Variants in RNF216 observed in about 807,000 individuals in gnomAD.
The protein encoded by RNF216 is ring finger protein 216.
In RNF216, 72 loss-of-function variants were observed where a neutral mutation model predicts 110.8. That is an observed-to-expected ratio of 0.65 (90% CI 0.54 to 0.79). The LOEUF (loss-of-function observed/expected upper bound fraction) is 0.79. Ranked by LOEUF, RNF216 falls within the 30% of genes least tolerant of loss-of-function variation. The probability of loss-of-function intolerance (pLI) is 0.00; values close to 1 mark genes in which losing one functional copy is unlikely to be tolerated. For missense variants in RNF216, 1,342 were observed against 1,141.2 expected, an observed-to-expected ratio of 1.18 and a Z score of -2.54; for synonymous variants, 495 against 407.5, an observed-to-expected ratio of 1.21 and a Z score of -2.59.
At chr7:5,630,355 G>C (rs1179941925) in intron 15 of RNF216, among the ~76,000 whole-genome samples, 1 of 152,054 alleles carries the variant, frequency 6.6e-6, no homozygotes, top group Non-Finnish European at 1.5e-5. Context: ...TCCAAAACAG[G>C]TTAGGGTGAG....
At chr7:5,724,095 G>A (rs571161560) in intron 8 of RNF216, among the ~76,000 whole-genome samples, 4 of 152,332 alleles carry the variant, frequency 2.6e-5, no homozygotes, top group Admixed American at 6.5e-5. Context: ...ACAGGTTTAT[G>A]ACCTGACAGC....
chr7:5,668,605 A>G (rs975580676), intron 13 of RNF216, among the ~76,000 whole-genome samples: 4 of 152,206 alleles, frequency 2.6e-5, no homozygotes, highest in African/African-American at 9.6e-5. Context: ...GGAGATATGA[A>G]CTGAGGATGA....
chr7:5,749,127 TG>T (rs1185940087), intron 3 of RNF216, among the ~76,000 whole-genome samples: 1 of 150,678 alleles, frequency 6.6e-6, no homozygotes, highest in African/African-American at 2.4e-5. Context: ...AGCTGTGTTC[TG>T]ATCAGCAAAA....
At chr7:5,737,546 TA>T (rs775952867) in intron 5 of RNF216, among the ~76,000 whole-genome samples, 2 of 135,492 alleles carry the variant, frequency 1.5e-5, no homozygotes, top group African/African-American at 5.4e-5. Flanking sequence ...ATAATAATAA[TA>T]AATAAATAAA....
intron 8 of RNF216, among the ~76,000 whole-genome samples, chr7:5,723,697 T>C (rs1793584545): frequency 6.6e-6 from 1 of 152,060 alleles, no homozygotes; most frequent in African/African-American, 2.4e-5. Context: ...AACTTCCCTC[T>C]AATGTATTTT....
intron 2 of RNF216, among the ~76,000 whole-genome samples, chr7:5,760,201 T>G (rs1170806227): frequency 6.6e-6 from 1 of 152,100 alleles, no homozygotes; most frequent in Admixed American, 6.6e-5. Flanking sequence ...TACAAATCAA[T>G]AAAATTCCCC....
chr7:5,771,069 G>C (rs1232157568), intron 1 of RNF216, among the ~76,000 whole-genome samples: 1 of 152,136 alleles, frequency 6.6e-6, no homozygotes, highest in African/African-American at 2.4e-5. Context: ...GCCTCCCAAA[G>C]TGCTGGGATT....
At chr7:5,697,753 C>A (rs191140168) in intron 13 of RNF216, among the ~76,000 whole-genome samples, 4 of 152,260 alleles carry the variant, frequency 2.6e-5, no homozygotes, top group African/African-American at 9.6e-5. Flanking sequence ...CTGGAGAAGA[C>A]AGAAGCTAGG....
chr7:5,730,331 G>C (rs6960897), intron 6 of RNF216, among the ~76,000 whole-genome samples: 123,377 of 152,106 alleles, frequency 0.81, 51,936 homozygotes, highest in Middle Eastern at 0.91. Context: ...GTATATAAAT[G>C]ATCAACGTAA....
intron 13 of RNF216, among the ~76,000 whole-genome samples, chr7:5,654,087 G>A (rs1788577233): frequency 6.6e-6 from 1 of 152,178 alleles, no homozygotes; most frequent in Non-Finnish European, 1.5e-5. Flanking sequence ...AAACACTGGA[G>A]GGAGGAAAGA....
At chr7:5,740,104 CTTTTTTT>C (rs71004698) in intron 4 of RNF216, among the ~76,000 whole-genome samples, 1 of 118,502 alleles carries the variant, frequency 8.4e-6, no homozygotes, top group African/African-American at 3.4e-5. Context: ...GATGTAACAC[CTTTTTTT>C]TTTTTTTTTT....
rs1796176800 is a variant in RNF216, at chr7:5,765,840, C to G, written c.-69-4702G>C. Among the ~76,000 whole-genome samples, 3 of 150,362 alleles carry G rather than the reference C, an allele frequency of 2.0e-5. No individual in the cohort carries two copies. In the East Asian group the frequency reaches 5.9e-4, roughly 30 times the overall value. On this transcript the variant is annotated intron_variant, in intron 1 of 16. Transcript: ENST00000389902. ...GCGTGGCAGTATGTGCCTGTAATCC[C>G]AGCTACTCAGGAGGCTGAGGCAGAA...
chr7:5,624,224 A>C lies in RNF216; in HGVS notation c.2383-99T>G. On this transcript the variant is annotated intron_variant, in intron 15 of 16. Transcript: ENST00000389902. This position sits in a 1 kb window ranked among gnomAD's most constrained non-coding sequence, Gnocchi z 4.4. ...GCCGCTTGTTGCTTATGGCCATGGAACAAGCCCGAAGCCTGCTGCTGGCCA... is the reference window on the plus strand; with the variant it reads ...GCCGCTTGTTGCTTATGGCCATGGACCAAGCCCGAAGCCTGCTGCTGGCCA... 1.0e-6 allele frequency: 1 copy of C among 975,976 alleles called. No individual in the cohort carries two copies. The highest frequency in any genetic ancestry group is 1.6e-6 in the Non-Finnish European group (1 of 639,388). 60.5% of individuals were successfully genotyped at this position (975,976 alleles called of 1,614,324 possible).
At chr7:5,752,092 G>A (rs1795361718) in intron 3 of RNF216, among the ~76,000 whole-genome samples, 1 of 152,048 alleles carries the variant, frequency 6.6e-6, no homozygotes, top group African/African-American at 2.4e-5. Flanking sequence ...GGCTGAGGCA[G>A]GAGAATTGCT....
chr7:5,777,997 T>A (rs1796878009), intron 1 of RNF216, among the ~76,000 whole-genome samples: 1 of 152,202 alleles, frequency 6.6e-6, no homozygotes, highest in Non-Finnish European at 1.5e-5. Context: ...TAGAACTGAA[T>A]CTTCTGTGAC....
rs774298290 is a variant in RNF216 at position 5,741,523 on chromosome 7, G to T, written c.494C>A (p.Ala165Glu). 7 of 1,614,160 alleles carry T rather than the reference G, an allele frequency of 4.3e-6. No individual in the cohort carries two copies. In the South Asian group the frequency reaches 5.5e-5, roughly 13 times the overall value. ...TCTGGGGTTGACAATGTCATTTGCT[G>T]CTTGGTTATGACTCGGTCCAGGCTT... The part of the protein sequence containing the change: ...EPKPGPSHNQ[A>E]ANDIVNPRSE... The change falls in exon 4 of 17, where the codon GCA becomes GAA. Residue 165 changes from alanine to glutamate, a missense_variant. By Grantham distance (107) the Ala-to-Glu change is moderately radical (BLOSUM62 -1). Transcript: ENST00000389902.
chr7:5,662,785 G>A (rs1789232301), intron 13 of RNF216, among the ~76,000 whole-genome samples: 1 of 152,170 alleles, frequency 6.6e-6, no homozygotes, highest in African/African-American at 2.4e-5. Flanking sequence ...GCCAGGTAGG[G>A]GGCAGGCAGT....
In RNF216 at chr7:5,712,719, C is replaced by T; in HGVS notation, c.1978G>A (p.Val660Ile). The T allele has an allele frequency of 3.1e-6, 5 of 1,614,016 alleles. No homozygotes were observed. Among genetic ancestry groups the T allele is most frequent in the Non-Finnish European group, 4.2e-6 (5 of 1,179,952 alleles). ...EVAAAYADEL[V>I]RCPSCSFPAL... is the part of the protein sequence containing the mutation. ...ACGCTCTGCCTGAGAACGAACCTGA[C>T]AAGCTCGTCGGCGTAGGCTGCCGCA... The change falls in exon 12 of 17, where the codon GTC becomes ATC. Residue 660 changes from valine (V) to isoleucine (I), a missense_variant. Coordinates refer to ENST00000389902, the MANE Select transcript of RNF216 (RefSeq NM_207111.4).
At chr7:5,684,159 G>A (rs1337680810) in intron 13 of RNF216, among the ~76,000 whole-genome samples, 1 of 130,770 alleles carries the variant, frequency 7.6e-6, no homozygotes, top group Admixed American at 9.4e-5. Flanking sequence ...CTGGAGTGCA[G>A]TGGCGTGATC....
Sources: gnomAD v4.1 joint callset for allele counts (sites outside exome capture counted in the v4.1 genomes callset) on GRCh38, gnomAD v4.1.1 for gene constraint, Gnocchi (gnomAD v3.1) non-coding constraint, MANE v1.5 for transcripts, NCBI Gene and HGNC (gene_info 2026-07-23, HGNC 2026-07-21) for gene names.